The following SLC39A4 variants were observed in gnomAD, a reference collection of about 807,000 sequenced individuals.
SLC39A4 encodes the protein solute carrier family 39 member 4, also known as zinc transporter ZIP4.
A neutral mutation model predicts 56.6 loss-of-function variants in SLC39A4; 49 were observed. The ratio of observed to expected loss-of-function variants is 0.87; its 90% CI spans 0.69 to 1.10. SLC39A4 has a LOEUF of 1.10. Ranked by LOEUF, SLC39A4 falls within the 50% of genes least tolerant of loss-of-function variation. The pLI is 0.00. For missense variants in SLC39A4, 993 were observed against 864.2 expected (o/e 1.15, Z -1.87); for synonymous variants, 540 against 420.4 (o/e 1.28, Z -3.48).
intron 5 of SLC39A4, 135 bp downstream of exon 5, chr8:144,414,590 C>T (rs1822084101): frequency 6.7e-7 from 1 of 1,497,546 alleles, no homozygotes; most frequent in Non-Finnish European, 9.0e-7. Context: ...GGCGACGCCA[C>T]CTTCCCCTGT....
At position 144,413,861 on chromosome 8, in the gene SLC39A4, G is replaced by T. The variant is rs782241064; in HGVS notation, c.1308C>A (p.Cys436Ter). The T allele has an allele frequency of 1.5e-5, 24 of 1,601,074 alleles. No individual in the cohort carries two copies. The highest frequency in any genetic ancestry group is 2.0e-5 in the Non-Finnish European group (23 of 1,176,584). ...CCCCGTGGCTATGGCTGCTGTGGCCGCAGGGCCCGTCCTCCAGGTCCTGTG... is the reference window on the plus strand; with the variant it reads ...CCCCGTGGCTATGGCTGCTGTGGCCTCAGGGCCCGTCCTCCAGGTCCTGTG... ...RDPEDLEDGP[C>*]GHSSHSHGGH... The change falls in exon 8 of 12, where the codon TGC (cysteine) becomes TGA (stop). Residue 436 changes from cysteine to a stop codon, truncating the protein, a stop_gained. Coordinates refer to ENST00000301305, the MANE Select transcript of SLC39A4 (RefSeq NM_130849.4). LOFTEE classifies it high-confidence loss of function.
At position 144,413,555 on chromosome 8, in the gene SLC39A4, T is replaced by C. The variant is rs1822001096; in HGVS notation, c.1432A>G (p.Ser478Gly). ...GGCTCAGGGTTCAGCAGCTCCGGGCTCTCCTCCGCCACCTGGGAGGAGCCT... is the reference window on the plus strand; with the variant it reads ...GGCTCAGGGTTCAGCAGCTCCGGGCCCTCCTCCGCCACCTGGGAGGAGCCT... ...GSRADLVAEESPELLNPEPRR... is the reference protein window; with the variant it reads ...GSRADLVAEEGPELLNPEPRR... The change falls in exon 9 of 12, where the codon AGC (serine) becomes GGC (glycine). Residue 478 changes from serine to glycine, a missense_variant. Ser to Gly is a moderately conservative substitution (Grantham distance 56). Coordinates refer to ENST00000301305, the MANE Select transcript of SLC39A4 (RefSeq NM_130849.4). 2 of 1,553,968 alleles carry C rather than the reference T, an allele frequency of 1.3e-6. No homozygotes were observed. Among genetic ancestry groups the C allele is most frequent in the African/African-American group, 2.7e-5 (2 of 73,260 alleles).
intron 5 of SLC39A4, 94 bp from the exon 6 acceptor site, chr8:144,414,528 G>T: frequency 2.0e-6 from 3 of 1,532,240 alleles, no homozygotes; most frequent in Non-Finnish European, 1.8e-6. Context: ...CCGTCAGTGT[G>T]GGCCAGGCCC....
At chr8:144,412,720 C>T (rs1554871880) in intron 11 of SLC39A4, 39 bp downstream of exon 11, 1 of 1,613,388 alleles carries the variant, frequency 6.2e-7, no homozygotes, top group South Asian at 1.1e-5. Flanking sequence ...CTCTGCTCAG[C>T]TCCCGGCCCA....
Position 144,412,867 on chromosome 8 carries a change from G to A in SLC39A4, c.1707C>T (p.Ala569=), listed in dbSNP as rs1554871973. The change falls in exon 11 of 12, where the codon GCC becomes GCT. Residue 569 remains alanine (A), a synonymous_variant. Transcript: ENST00000301305. ...LLLNLASALT[A]FAGLYVALAV... is the part of the protein sequence containing the mutation. ...CGAGTGCCACGTAGAGACCAGCGAA[G>A]GCCGTGAGCGCGGAGGCCAGGTTCA... is the stretch of plus-strand genomic sequence containing the variant. 6 of 1,611,942 alleles carry A rather than the reference G, an allele frequency of 3.7e-6. No homozygotes were observed. Among genetic ancestry groups the A allele is most frequent in the South Asian group, 1.1e-5 (1 of 91,070 alleles).
chr8:144,413,501 CCCTGGGCTCA>C lies in SLC39A4; in HGVS notation c.1474+2_1474+11del. 8 of 1,557,728 alleles carry C rather than the reference CCCTGGGCTCA, an allele frequency of 5.1e-6. No homozygotes were observed. Among genetic ancestry groups the C allele is most frequent in the Non-Finnish European group, 7.0e-6 (8 of 1,150,942 alleles). On this transcript the variant is annotated splice_donor_variant and splice_donor_5th_base_variant and intron_variant, in intron 9 of 11. Transcript: ENST00000301305. LOFTEE classifies it high-confidence loss of function. The stretch of plus-strand genomic sequence containing the variant: ...ATCCCCCAGCCCTTCCGGGGTCGCC[CCCTGGGCTCA>C]CCTGGGCTCAGTCTCCTGGGCTCAG...
chr8:144,413,633 C>T, intron 8 of SLC39A4, 66 bp from the exon 9 acceptor site: 1 of 1,546,680 alleles, frequency 6.5e-7, no homozygotes, highest in Non-Finnish European at 8.7e-7. Flanking sequence ...CGGGGCGGGG[C>T]CCCAGATCAC....
chr8:144,412,772 G>C lies in SLC39A4; in HGVS notation c.1802C>G (p.Ala601Gly), dbSNP rs1821934943. The C allele has an allele frequency of 6.2e-7, 1 of 1,613,084 alleles. No individual in the cohort carries two copies. The change falls in exon 11 of 12, where the codon GCA (alanine) becomes GGA (glycine). Residue 601 changes from alanine (A) to glycine (G), a missense_variant. By Grantham distance (60) the Ala-to-Gly change is moderately conservative (BLOSUM62 0). Coordinates refer to ENST00000301305, the MANE Select transcript of SLC39A4 (RefSeq NM_130849.4). ...AVATGLFLYV[A>G]LCDMLPAMLK... ...CGCCATCCTGACCATGTCGCAGAGT[G>C]CTACGTAGAGGAACAGGCCGGTGGC...
intron 3 of SLC39A4, 50 bp from the exon 4 acceptor site, chr8:144,415,160 G>A (rs781805548): frequency 2.5e-6 from 4 of 1,612,730 alleles, no homozygotes; most frequent in African/African-American, 1.3e-5. Context: ...CTCCGGCCCT[G>A]CCCCCCAGGG....
chr8:144,413,546 G>T lies in SLC39A4; in HGVS notation c.1441C>A (p.Leu481Met), dbSNP rs1554872449. The T allele has an allele frequency of 6.4e-7, 1 of 1,555,142 alleles. No individual in the cohort carries two copies. The highest frequency in any genetic ancestry group is 1.2e-5 in the South Asian group (1 of 84,578). Residue 481 changes from leucine to methionine, a missense_variant, in exon 9 of 12, where the codon CTG (leucine) becomes ATG (methionine). Coordinates refer to ENST00000301305, the MANE Select transcript of SLC39A4 (RefSeq NM_130849.4). ...AGTCTCCTGGGCTCAGGGTTCAGCA[G>T]CTCCGGGCTCTCCTCCGCCACCTGG... ...ADLVAEESPE[L>M]LNPEPRRLSP...
Position 144,416,747 on chromosome 8 carries a change from C to T in SLC39A4, c.43G>A (p.Val15Met). 1 of 1,612,798 alleles carries T rather than the reference C, an allele frequency of 6.2e-7. No individual in the cohort carries two copies. The highest frequency in any genetic ancestry group is 8.5e-7 in the Non-Finnish European group (1 of 1,179,902). ...VSLELGLLLA[V>M]LVVTATASPP... ...GACGCCGTCGCCGTCACCACCAGCACAGCCAGAAGCAGCCCCAGCTCCAGC... is the reference window on the plus strand; with the variant it reads ...GACGCCGTCGCCGTCACCACCAGCATAGCCAGAAGCAGCCCCAGCTCCAGC... The change falls in exon 1 of 12, where the codon GTG becomes ATG. Residue 15 changes from valine (V) to methionine (M), a missense_variant. Val to Met is a conservative substitution (Grantham distance 21, BLOSUM62 1). Transcript: ENST00000301305.
In SLC39A4 at chr8:144,415,246, C is replaced by G. The variant is rs1489409487; in HGVS notation, c.648G>C (p.Glu216Asp). The G allele has an allele frequency of 6.2e-7, 1 of 1,613,116 alleles. No individual in the cohort carries two copies. Among genetic ancestry groups the G allele is most frequent in the Non-Finnish European group, 8.5e-7 (1 of 1,179,858 alleles). ...CCTCACCGGCCAGCGTCATAGGGAC[C>G]TCGCTGCTGTGCTGCTGGAACACAA... Reference protein sequence around the residue: ...VDFVFQQHSSEVPMTLAELSA... With the variant: ...VDFVFQQHSSDVPMTLAELSA... Residue 216 changes from glutamate to aspartate, a missense_variant, in exon 3 of 12, where the codon GAG becomes GAC. Coordinates refer to ENST00000301305, the MANE Select transcript of SLC39A4 (RefSeq NM_130849.4).
chr8:144,416,231 T>C, intron 1 of SLC39A4, 140 bp from the exon 2 acceptor site: 1 of 1,579,328 alleles, frequency 6.3e-7, no homozygotes, highest in Non-Finnish European at 8.5e-7. Flanking sequence ...CCTGGCGCCC[T>C]TCCGTCTCCC....
chr8:144,413,606 G>A (rs1554872487), intron 8 of SLC39A4, 39 bp from the exon 9 acceptor site: 2 of 1,548,514 alleles, frequency 1.3e-6, no homozygotes, highest in Non-Finnish European at 1.7e-6. Context: ...CGGAAGTGGA[G>A]GAGGAACGCG....
chr8:144,414,222 G>A (rs373550603), intron 6 of SLC39A4, 40 bp downstream of exon 6: 9 of 1,598,580 alleles, frequency 5.6e-6, no homozygotes, highest in Middle Eastern at 1.8e-4. Context: ...GTCCATGGTG[G>A]GGAACGGAGG....
Position 144,413,274 on chromosome 8 carries a change from C to A in SLC39A4, c.1590G>T (p.Ser530=), listed in dbSNP as rs782758306. The A allele has an allele frequency of 1.0e-5, 16 of 1,595,952 alleles. No individual in the cohort carries two copies. Among genetic ancestry groups the A allele is most frequent in the Admixed American group, 5.1e-5 (3 of 58,472 alleles). Residue 530 remains serine (S), a synonymous_variant, in exon 10 of 12, where the codon TCG becomes TCT. Coordinates refer to ENST00000301305, the MANE Select transcript of SLC39A4 (RefSeq NM_130849.4). ...ASSWKTGLAT[S]LAVFCHELPH... is the part of the protein sequence containing the mutation. ...GCAACTCGTGGCAGAACACGGCCAG[C>A]GAGGTGGCCAGCCCGGTCTTCCAGG...
rs782686016 is a variant in SLC39A4 at position 144,415,217 on chromosome 8, C to G, written c.667+10G>C. 6.2e-7 allele frequency: 1 copy of G among 1,612,898 alleles called. No individual in the cohort carries two copies. The highest frequency in any genetic ancestry group is 1.1e-5 in the South Asian group (1 of 91,088). ...GGGTGCCCCCCTCCACAGCCCAGCC[C>G]AGGCCTCACCGGCCAGCGTCATAGG... On this transcript the variant is annotated intron_variant, in intron 3 of 11. Transcript: ENST00000301305.
At chr8:144,413,199 G>A (rs1821968253) in intron 10 of SLC39A4, 38 bp downstream of exon 10, 2 of 1,528,584 alleles carry the variant, frequency 1.3e-6, no homozygotes, top group Non-Finnish European at 8.8e-7. Context: ...GCCCCGTGCG[G>A]CCCCGCCCAT....
Position 144,413,580 on chromosome 8 carries a change from TTGAG to T in SLC39A4, c.1420-17_1420-14del, listed in dbSNP as rs1564707437. The T allele has an allele frequency of 1.3e-6, 2 of 1,550,882 alleles. No individual in the cohort carries two copies. The highest frequency in any genetic ancestry group is 1.2e-5 in the South Asian group (1 of 84,166). ...TCTCCTCCGCCACCTGGGAGGAGCC[TTGAG>T]TAAGTCCCGCCCGGAAGTGGAGGAG... On this transcript the variant is annotated splice_polypyrimidine_tract_variant and intron_variant, in intron 8 of 11. Transcript: ENST00000301305.
Sources: allele counts gnomAD v4.1 joint callset, GRCh38; gene constraint gnomAD v4.1.1; transcripts MANE v1.5; gene names NCBI Gene and HGNC (gene_info 2026-07-23, HGNC 2026-07-21).